COL28A1: variants seen among roughly 807,000 people sequenced by gnomAD.
COL28A1 encodes the protein collagen type XXVIII alpha 1 chain.
Under a neutral mutation model 150.2 loss-of-function variants are expected in COL28A1, and 161 were observed. The ratio of observed to expected loss-of-function variants is 1.07; its 90% CI spans 0.94 to 1.22. The LOEUF is 1.22. Ranked by LOEUF, COL28A1 falls within the 50% of genes most tolerant of loss-of-function variation. The pLI is 0.00. For missense variants in COL28A1, 1,617 were observed against 1,388.3 expected, an observed-to-expected ratio of 1.16 and a Z score of -2.62; for synonymous variants, 552 against 469.7, an observed-to-expected ratio of 1.18 and a Z score of -2.26.
At chr7:7,424,273 C>G (rs1784534747) in intron 25 of COL28A1, among the ~76,000 whole-genome samples, 1 of 152,144 alleles carries the variant, frequency 6.6e-6, no homozygotes, top group Non-Finnish European at 1.5e-5. Flanking sequence ...GAAGTAGTGT[C>G]TCTCCACTAT....
chr7:7,492,282 A>G (rs1779955572), intron 11 of COL28A1, among the ~76,000 whole-genome samples: 2 of 152,122 alleles, frequency 1.3e-5, no homozygotes, highest in South Asian at 4.1e-4. Flanking sequence ...GCTTTACTAT[A>G]AGAAGTCTGT....
chr7:7,374,419 G>C (rs1781435967), intron 31 of COL28A1, among the ~76,000 whole-genome samples: 1 of 152,130 alleles, frequency 6.6e-6, no homozygotes, highest in South Asian at 2.1e-4. Context: ...AACTACTCTA[G>C]TTGATGTCTC....
intron 11 of COL28A1, among the ~76,000 whole-genome samples, chr7:7,504,091 C>T (rs1020529193): frequency 2.6e-5 from 4 of 152,122 alleles, no homozygotes; most frequent in African/African-American, 9.7e-5. Context: ...AAAATTATAA[C>T]CAACCCCCCC....
chr7:7,367,087 T>C (rs571109642), intron 33 of COL28A1, among the ~76,000 whole-genome samples: 1 of 152,354 alleles, frequency 6.6e-6, no homozygotes, highest in Non-Finnish European at 1.5e-5. Flanking sequence ...TACCCTTTTC[T>C]ATGGTTAGAT....
At chr7:7,486,160 T>G (rs1779614312) in intron 13 of COL28A1, among the ~76,000 whole-genome samples, 2 of 152,194 alleles carry the variant, frequency 1.3e-5, no homozygotes, top group Non-Finnish European at 2.9e-5. Flanking sequence ...AAGCCCTATA[T>G]GTGTCTTATT....
intron 27 of COL28A1, among the ~76,000 whole-genome samples, chr7:7,405,928 C>T (rs1229573667): frequency 6.6e-6 from 1 of 151,890 alleles, no homozygotes; most frequent in African/African-American, 2.4e-5. Flanking sequence ...AAATATATAC[C>T]CTATCATGGG....
chr7:7,432,348 T>C, intron 25 of COL28A1, 125 bp downstream of exon 25: 5 of 706,890 alleles, frequency 7.1e-6, no homozygotes, highest in Non-Finnish European at 9.6e-6. Context: ...TAAGGGCAAA[T>C]AACTTTATCA....
chr7:7,444,107 C>T (rs1490344021), intron 19 of COL28A1, among the ~76,000 whole-genome samples: 2 of 151,206 alleles, frequency 1.3e-5, no homozygotes, highest in African/African-American at 4.9e-5. Flanking sequence ...ACAGACTTGC[C>T]TCTTAGGGGG....
upstream of COL28A1, among the ~76,000 whole-genome samples, chr7:7,538,994 T>A (rs1303883756): frequency 2.0e-5 from 3 of 152,292 alleles, no homozygotes; most frequent in East Asian, 5.8e-4. Context: ...TTCTTCTTTT[T>A]GTCAGTAGAA....
rs567322291 is a variant in COL28A1, at chr7:7,511,139, A to G, written c.883-4T>C. 6.2e-7 allele frequency: 1 copy of G among 1,606,744 alleles called. No individual in the cohort carries two copies. The highest frequency in any genetic ancestry group is 1.3e-5 in the African/African-American group (1 of 74,890). On this transcript the variant is annotated splice_polypyrimidine_tract_variant and splice_region_variant and intron_variant, in intron 8 of 34. Transcript: ENST00000399429. Reference sequence around the variant, plus strand: ...TACCACATTCCCCACGTTCACCCTAAAAAATAAATAAGTGAAATAAATAAG... The same window carrying G: ...TACCACATTCCCCACGTTCACCCTAGAAAATAAATAAGTGAAATAAATAAG...
At position 7,373,036 on chromosome 7, in the gene COL28A1, T is replaced by C; in HGVS notation, c.2870A>G (p.Glu957Gly). The C allele has an allele frequency of 4.3e-6, 7 of 1,614,162 alleles. No individual in the cohort carries two copies. Among genetic ancestry groups the C allele is most frequent in the Non-Finnish European group, 5.9e-6 (7 of 1,180,030 alleles). Reference sequence around the variant, plus strand: ...GAAATCATCAAACTGGTAAACATGCTCTGGGTCAGTAGCAATTAGATTCAT... The same window carrying C: ...GAAATCATCAAACTGGTAAACATGCCCTGGGTCAGTAGCAATTAGATTCAT... Reference protein sequence around the residue: ...KEMNLIATDPEHVYQFDDFFT... With the variant: ...KEMNLIATDPGHVYQFDDFFT... Residue 957 changes from glutamate (E) to glycine (G), a missense_variant, in exon 32 of 35, where the codon GAG becomes GGG. Coordinates refer to ENST00000399429, the MANE Select transcript of COL28A1 (RefSeq NM_001037763.3). This position sits in a 1 kb window ranked among gnomAD's most constrained non-coding sequence, Gnocchi z 4.1.
intron 25 of COL28A1, among the ~76,000 whole-genome samples, chr7:7,429,879 GGCTCACTCA>G (rs2128313069): frequency 6.6e-6 from 1 of 152,168 alleles, no homozygotes; most frequent in Admixed American, 6.5e-5. Flanking sequence ...CTTCCGCGTG[GGCTCACTCA>G]GACAATGGGA....
chr7:7,473,100 T>C (rs1653553800), intron 15 of COL28A1, among the ~76,000 whole-genome samples: 1 of 152,182 alleles, frequency 6.6e-6, no homozygotes, highest in Non-Finnish European at 1.5e-5. Flanking sequence ...AAAAAACTCT[T>C]CTAGACATTG....
chr7:7,406,445 G>GA (rs1337109423), intron 27 of COL28A1, among the ~76,000 whole-genome samples: 28 of 152,220 alleles, frequency 1.8e-4, no homozygotes, highest in African/African-American at 6.7e-4. Flanking sequence ...AGGAGAGGGG[G>GA]ATAAAAGAAA....
chr7:7,524,426 G>T (rs1781910183), intron 3 of COL28A1, among the ~76,000 whole-genome samples, 177 bp from the exon 4 acceptor site: 2 of 152,130 alleles, frequency 1.3e-5, no homozygotes, highest in South Asian at 4.1e-4. Flanking sequence ...AGCAGTCCGA[G>T]CCATGTAATA....
the COL28A1 span, among the ~76,000 whole-genome samples, chr7:7,342,872 T>C: frequency 6.6e-6 from 1 of 152,076 alleles, no homozygotes; most frequent in Non-Finnish European, 1.5e-5. Flanking sequence ...CCACTGGGAA[T>C]CATTTTCCTT....
At chr7:7,404,123 C>G (rs1040496396) in intron 27 of COL28A1, among the ~76,000 whole-genome samples, 5 of 151,930 alleles carry the variant, frequency 3.3e-5, no homozygotes, top group Middle Eastern at 3.2e-3. Flanking sequence ...AACTTACGCT[C>G]AAATGAACAC....
intron 27 of COL28A1, among the ~76,000 whole-genome samples, chr7:7,389,606 A>G (rs1782411153): frequency 6.6e-6 from 1 of 152,112 alleles, no homozygotes; most frequent in Non-Finnish European, 1.5e-5. Flanking sequence ...CATTTTCACA[A>G]TATTGATTCT....
chr7:7,391,677 T>C (rs887979711), intron 27 of COL28A1, among the ~76,000 whole-genome samples: 1 of 152,168 alleles, frequency 6.6e-6, no homozygotes, highest in African/African-American at 2.4e-5. Flanking sequence ...TGGGTGCCTA[T>C]ATATTTAGGT....
Sources: gnomAD v4.1 joint callset for allele counts (sites outside exome capture counted in the v4.1 genomes callset) on GRCh38, gnomAD v4.1.1 for gene constraint, Gnocchi (gnomAD v3.1) non-coding constraint, MANE v1.5 for transcripts, NCBI Gene and HGNC (gene_info 2026-07-23, HGNC 2026-07-21) for gene names.